SPATA6: variants seen among roughly 807,000 people sequenced by gnomAD.
SPATA6 encodes spermatogenesis-associated protein 6.
Under a neutral mutation model 65.3 loss-of-function variants are expected in SPATA6, and 56 were observed. That is an observed-to-expected ratio of 0.86 (90% CI 0.69 to 1.07). The LOEUF is 1.07. Among genes scored for constraint, SPATA6 ranks in the 50% least tolerant of loss-of-function variants. SPATA6 has a pLI of 0.00. For missense variants in SPATA6, 590 were observed against 594.8 expected (o/e 0.99, Z 0.08); for synonymous variants, 199 against 213.2 (o/e 0.93, Z 0.58).
At chr1:48,325,839 GA>G (rs1376665269) in intron 11 of SPATA6, 12 of 421,298 alleles carry the variant, frequency 2.8e-5, no homozygotes, top group Admixed American at 8.7e-5. Flanking sequence ...ATGTGACCAA[GA>G]AAGTGCTGTG....
At chr1:48,357,129 T>G (rs1443840722) in intron 10 of SPATA6, among the ~76,000 whole-genome samples, 1 of 152,172 alleles carries the variant, frequency 6.6e-6, no homozygotes, top group Non-Finnish European at 1.5e-5. Flanking sequence ...TCTAATTTCA[T>G]TTATAAAACT....
At chr1:48,316,518 T>C (rs1475989338) in intron 11 of SPATA6, among the ~76,000 whole-genome samples, 6 of 152,186 alleles carry the variant, frequency 3.9e-5, no homozygotes, top group Non-Finnish European at 7.3e-5. Flanking sequence ...CTACACCTTA[T>C]ACAAAAATTA....
intron 8 of SPATA6, among the ~76,000 whole-genome samples, chr1:48,390,694 T>C (rs1486871857): frequency 1.3e-5 from 2 of 152,190 alleles, no homozygotes; most frequent in African/African-American, 2.4e-5. Flanking sequence ...TGTAAAATAT[T>C]ATGTATCAAT....
intron 9 of SPATA6, among the ~76,000 whole-genome samples, chr1:48,375,764 T>C (rs1387889228): frequency 1.3e-5 from 2 of 152,168 alleles, no homozygotes; most frequent in African/African-American, 4.8e-5. Flanking sequence ...GCTTCCTACA[T>C]GTATACATAC....
intron 11 of SPATA6, among the ~76,000 whole-genome samples, chr1:48,333,535 G>C (rs1305868008): frequency 6.6e-6 from 1 of 152,066 alleles, no homozygotes; most frequent in Non-Finnish European, 1.5e-5. Flanking sequence ...TATCCTATTA[G>C]TTCTGTCCCT....
At chr1:48,464,078 T>G (rs1051204283) in intron 1 of SPATA6, among the ~76,000 whole-genome samples, 7 of 152,042 alleles carry the variant, frequency 4.6e-5, no homozygotes, top group African/African-American at 7.2e-5. Flanking sequence ...ACTCAATAAA[T>G]GAAAACCCTA....
chr1:48,278,739 C>G, the SPATA6 span, among the ~76,000 whole-genome samples: 1 of 152,150 alleles, frequency 6.6e-6, no homozygotes, highest in Non-Finnish European at 1.5e-5. Flanking sequence ...GAGAATGGAA[C>G]CAAGTTGGAA....
At chr1:48,434,048 CTATTA>C (rs1654645423) in intron 3 of SPATA6, among the ~76,000 whole-genome samples, 1 of 151,978 alleles carries the variant, frequency 6.6e-6, no homozygotes, top group African/African-American at 2.4e-5. Context: ...AACAGCTATT[CTATTA>C]TAAATTTTCA....
intron 3 of SPATA6, among the ~76,000 whole-genome samples, chr1:48,415,396 T>C (rs1398608114): frequency 6.6e-6 from 1 of 152,208 alleles, no homozygotes; most frequent in African/African-American, 2.4e-5. Context: ...CCTTTCCCCA[T>C]ATTTGTCAGG....
At chr1:48,275,946 G>A in the SPATA6 span, among the ~76,000 whole-genome samples, 1 of 152,052 alleles carries the variant, frequency 6.6e-6, no homozygotes, top group Non-Finnish European at 1.5e-5. Flanking sequence ...GAATTCAGCT[G>A]TGAATCAGTC....
chr1:48,318,171 T>G (rs1359729501), intron 11 of SPATA6, among the ~76,000 whole-genome samples: 1 of 152,126 alleles, frequency 6.6e-6, no homozygotes, highest in East Asian at 1.9e-4. Context: ...AACATATAGT[T>G]AATAGCATAC....
the SPATA6 span, among the ~76,000 whole-genome samples, chr1:48,288,293 T>C: frequency 2.0e-5 from 3 of 152,232 alleles, no homozygotes; most frequent in Non-Finnish European, 4.4e-5. Context: ...ATCATGATGA[T>C]GCTAGCCTCA....
At chr1:48,427,794 T>C (rs562892773) in intron 3 of SPATA6, among the ~76,000 whole-genome samples, 1 of 152,182 alleles carries the variant, frequency 6.6e-6, no homozygotes, top group South Asian at 2.1e-4. Flanking sequence ...GAGGTATGGG[T>C]TTCTATTAAT....
the SPATA6 span, among the ~76,000 whole-genome samples, chr1:48,283,201 G>C: frequency 1.0e-5 from 1 of 99,892 alleles, no homozygotes; most frequent in African/African-American, 3.9e-5. Flanking sequence ...GGGGAGGGGG[G>C]AGGGATAGCT....
At chr1:48,390,881 C>G (rs761342673) in intron 8 of SPATA6, among the ~76,000 whole-genome samples, 7 of 151,972 alleles carry the variant, frequency 4.6e-5, no homozygotes, top group Non-Finnish European at 8.8e-5. Context: ...TTCTAGGTAC[C>G]CTGAACCATA....
At chr1:48,368,202 G>T (rs556127388) in intron 9 of SPATA6, among the ~76,000 whole-genome samples, 1 of 152,116 alleles carries the variant, frequency 6.6e-6, no homozygotes, top group Admixed American at 6.5e-5. Flanking sequence ...TGGGTAACCC[G>T]ACCTTTCTCT....
At chr1:48,428,775 A>ATATGTGTGTGTGTGTGTGTGTGTG (rs374475889) in intron 3 of SPATA6, among the ~76,000 whole-genome samples, 1 of 133,496 alleles carries the variant, frequency 7.5e-6, no homozygotes, top group Non-Finnish European at 1.6e-5. Context: ...AGGTGTATAT[A>ATATGTGTGTGTGTGTGTGTGTGTG]TGTGTGTGTG....
intron 9 of SPATA6, among the ~76,000 whole-genome samples, chr1:48,362,091 G>C (rs1454954545): frequency 6.6e-6 from 1 of 152,054 alleles, no homozygotes; most frequent in Non-Finnish European, 1.5e-5. Flanking sequence ...AACAATGTAA[G>C]TGCATATGTT....
At chr1:48,340,195 T>C (rs1359677281) in intron 11 of SPATA6, among the ~76,000 whole-genome samples, 2 of 99,134 alleles carry the variant, frequency 2.0e-5, no homozygotes, top group African/African-American at 9.7e-5. Context: ...TAGTAGATAC[T>C]AAAGACAATT....
Sources: allele counts gnomAD v4.1 joint callset (sites outside exome capture counted in the v4.1 genomes callset), GRCh38; gene constraint gnomAD v4.1.1; transcripts MANE v1.5; gene names NCBI Gene and HGNC (gene_info 2026-07-23, HGNC 2026-07-21).